The following SUPV3L1 variants were observed in gnomAD, a reference collection of about 807,000 sequenced individuals.
SUPV3L1 encodes ATP-dependent RNA helicase SUPV3L1, mitochondrial.
A neutral mutation model predicts 70.0 loss-of-function variants in SUPV3L1; 35 were observed. The observed-to-expected ratio is 0.50, with a 90% CI of 0.38 to 0.66. The LOEUF (loss-of-function observed/expected upper bound fraction) is 0.66, where lower values mean the gene tolerates loss of function less well. Ranked by LOEUF, SUPV3L1 falls within the 30% of genes least tolerant of loss-of-function variation. The pLI is 0.00. For missense variants in SUPV3L1, 777 were observed against 961.5 expected (o/e 0.81, Z 2.54); for synonymous variants, 364 against 341.9 (o/e 1.06, Z -0.71).
intron 3 of SUPV3L1, among the ~76,000 whole-genome samples, chr10:69,186,864 C>T (rs898630627): frequency 2.0e-5 from 3 of 151,976 alleles, no homozygotes; most frequent in African/African-American, 4.8e-5. Context: ...CCTTCTCCCT[C>T]ATATCAGGAC....
In SUPV3L1 at chr10:69,200,411, G is replaced by T. The variant is rs770417431; in HGVS notation, c.1430G>T (p.Arg477Leu). The T allele has an allele frequency of 1.9e-6, 3 of 1,614,130 alleles. No homozygotes were observed. The highest frequency in any genetic ancestry group is 1.7e-5 in the Admixed American group (1 of 60,018). Residue 477 changes from arginine (R) to leucine (L), a missense_variant, in exon 11 of 15, where the codon CGG becomes CTG. Physicochemically the swap from Arg to Leu is moderately radical, Grantham distance 102. Around this residue, in one of 2 missense-constraint regions of SUPV3L1, gnomAD observed 619 missense variants for 823.3 expected, o/e 0.75. Transcript: ENST00000359655. ...IAGRAGRFSS[R>L]FKEGEVTTMN... The stretch of plus-strand genomic sequence containing the variant: ...GGCAGAGCTGGCAGATTCAGCTCAC[G>T]GTTTAAAGAAGGAGAGGTTACAACA...
chr10:69,191,046 C>G (rs762517904), intron 5 of SUPV3L1, among the ~76,000 whole-genome samples: 34 of 152,164 alleles, frequency 2.2e-4, no homozygotes, highest in Non-Finnish European at 4.1e-4. Flanking sequence ...ATAGAAACAA[C>G]TCATTTTAAT....
chr10:69,189,195 T>G, intron 4 of SUPV3L1, 72 bp from the exon 5 acceptor site: 1 of 1,480,696 alleles, frequency 6.8e-7, no homozygotes, highest in Non-Finnish European at 9.1e-7. Context: ...TTGGAATTTG[T>G]TTCATTTGCT....
At chr10:69,182,204 AG>A (rs1184738504) in intron 1 of SUPV3L1, among the ~76,000 whole-genome samples, 2 of 152,086 alleles carry the variant, frequency 1.3e-5, no homozygotes. Flanking sequence ...TATGTTGCCC[AG>A]GCTGGTCTCA....
At chr10:69,185,854 C>A (rs1031438269) in intron 1 of SUPV3L1, 133 bp from the exon 2 acceptor site, 4 of 738,724 alleles carry the variant, frequency 5.4e-6, no homozygotes, top group Non-Finnish European at 7.2e-6. Flanking sequence ...AAAGAAGGAT[C>A]GACTAAAACC....
chr10:69,202,352 G>T, intron 11 of SUPV3L1, 87 bp from the exon 12 acceptor site: 1 of 1,113,696 alleles, frequency 9.0e-7, no homozygotes, highest in Non-Finnish European at 1.3e-6. Context: ...AGCCTGAATG[G>T]GACTTTATCG....
intron 6 of SUPV3L1, chr10:69,192,602 A>G (rs1204648226): frequency 6.6e-6 from 1 of 152,220 alleles, no homozygotes; most frequent in Non-Finnish European, 1.5e-5. Context: ...ATAGTATTCC[A>G]TCTTAGAACT....
intron 1 of SUPV3L1, 71 bp from the exon 2 acceptor site, chr10:69,185,916 A>C (rs955612687): frequency 5.2e-6 from 6 of 1,163,908 alleles, no homozygotes; most frequent in Non-Finnish European, 6.4e-6. Context: ...TTATTGCTTC[A>C]AGTTTCTTTT....
At chr10:69,192,813 C>CTTCTGCCT (rs1842433027) in intron 6 of SUPV3L1, 1 of 152,234 alleles carries the variant, frequency 6.6e-6, no homozygotes. Context: ...TCAAGCAATC[C>CTTCTGCCT]TTCTGCCTTA....
intron 5 of SUPV3L1, among the ~76,000 whole-genome samples, chr10:69,190,853 C>T (rs979568001): frequency 6.6e-6 from 1 of 152,182 alleles, no homozygotes; most frequent in Non-Finnish European, 1.5e-5. Context: ...GACCAGCCAT[C>T]CCAGTTTGCC....
chr10:69,203,263 G>C (rs917113539), intron 13 of SUPV3L1, among the ~76,000 whole-genome samples: 3 of 152,104 alleles, frequency 2.0e-5, no homozygotes, highest in Admixed American at 2.0e-4. Context: ...ACCATGCCAG[G>C]GTTCTAGCCT....
chr10:69,206,641 A>G (rs1056374232), intron 13 of SUPV3L1, among the ~76,000 whole-genome samples: 1 of 152,192 alleles, frequency 6.6e-6, no homozygotes, highest in African/African-American at 2.4e-5. Flanking sequence ...AAAGCCACAC[A>G]GCTCGCAGGA....
At position 69,202,408 on chromosome 10, in the gene SUPV3L1, A is replaced by G. The variant is rs370672222; in HGVS notation, c.1519-31A>G. ...TGTCCTTTTTGAAAAAAAAAAAATC[A>G]GCTTATGATTGTTTTTTCTTTTACT... On this transcript the variant is annotated intron_variant, in intron 11 of 14. Coordinates refer to ENST00000359655, the MANE Select transcript of SUPV3L1 (RefSeq NM_003171.5). 13 of 1,573,138 alleles carry G rather than the reference A, an allele frequency of 8.3e-6. No homozygotes were observed. The African/African-American group carries it at 1.6e-4, about 20-fold the overall frequency.
chr10:69,185,927 G>C (rs1366512499), intron 1 of SUPV3L1, 60 bp from the exon 2 acceptor site: 2 of 1,297,110 alleles, frequency 1.5e-6, no homozygotes, highest in African/African-American at 3.0e-5. Context: ...AGTTTCTTTT[G>C]CTTTTTTTCA....
At chr10:69,191,232 ATTT>A (rs11434528) in intron 5 of SUPV3L1, among the ~76,000 whole-genome samples, 1 of 130,156 alleles carries the variant, frequency 7.7e-6, no homozygotes, top group African/African-American at 2.9e-5. Flanking sequence ...AGCATTGGGA[ATTT>A]TTTTTTTTTT....
chr10:69,202,734 G>C, intron 12 of SUPV3L1, 133 bp from the exon 13 acceptor site: 1 of 1,046,442 alleles, frequency 9.6e-7, no homozygotes, highest in Non-Finnish European at 1.4e-6. Context: ...ATATGAGGGA[G>C]TGATTAAAGC....
chr10:69,193,406 T>C (rs1211686661), intron 6 of SUPV3L1: 1 of 152,130 alleles, frequency 6.6e-6, no homozygotes. Context: ...TTCTTCTCTA[T>C]GTCTTCTCTT....
In SUPV3L1 at chr10:69,198,525, G is replaced by A. The variant is rs1025320000; in HGVS notation, c.1177G>A (p.Ala393Thr). 6 of 1,613,896 alleles carry A rather than the reference G, an allele frequency of 3.7e-6. No homozygotes were observed. Among genetic ancestry groups the A allele is most frequent in the Non-Finnish European group, 5.1e-6 (6 of 1,180,000 alleles). Residue 393 changes from alanine (A) to threonine (T), a missense_variant, in exon 9 of 15, where the codon GCT (alanine) becomes ACT (threonine). By Grantham distance (58) the Ala-to-Thr change is moderately conservative. Transcript: ENST00000359655. ...RQIEIRGLESAVIYGSLPPGT... is the reference protein window; with the variant it reads ...RQIEIRGLESTVIYGSLPPGT... ...GATTGAAATTCGGGGATTAGAATCA[G>A]CTGTTATATATGGCAGTCTCCCACC...
intron 14 of SUPV3L1, 128 bp from the exon 15 acceptor site, chr10:69,208,472 G>A: frequency 3.0e-6 from 3 of 1,007,416 alleles, no homozygotes; most frequent in Admixed American, 4.7e-5. Flanking sequence ...TTGAGCAAAG[G>A]CACTGAAGAG....
Sources: allele counts gnomAD v4.1 joint callset (sites outside exome capture counted in the v4.1 genomes callset), GRCh38; gene constraint gnomAD v4.1.1; regional missense constraint gnomAD v4.1.1; transcripts MANE v1.5; gene names NCBI Gene and HGNC (gene_info 2026-07-23, HGNC 2026-07-21).